PPP6R3: variants seen among roughly 807,000 people sequenced by gnomAD.
The protein encoded by PPP6R3 is protein phosphatase 6 regulatory subunit 3.
A neutral mutation model predicts 110.7 loss-of-function variants in PPP6R3; 38 were observed. That is an observed-to-expected ratio of 0.34 (90% CI 0.26 to 0.45). The LOEUF (loss-of-function observed/expected upper bound fraction) is 0.45. PPP6R3 is among the 20% of genes least tolerant of loss of function. The probability of loss-of-function intolerance (pLI) is 1.00; values close to 1 mark genes in which losing one functional copy is unlikely to be tolerated. For missense variants in PPP6R3, 870 were observed against 1,062.4 expected (o/e 0.82, Z 2.52); for synonymous variants, 369 against 373.5 (o/e 0.99, Z 0.14).
intron 1 of PPP6R3, among the ~76,000 whole-genome samples, chr11:68,480,228 A>C (rs1464320123): frequency 6.6e-6 from 1 of 151,930 alleles, no homozygotes; most frequent in Non-Finnish European, 1.5e-5. Flanking sequence ...TTCTGCTCTG[A>C]TCTTTTGATG....
At chr11:68,547,782 T>C (rs1198976847) in intron 4 of PPP6R3, among the ~76,000 whole-genome samples, 1 of 152,250 alleles carries the variant, frequency 6.6e-6, no homozygotes, top group Non-Finnish European at 1.5e-5. Flanking sequence ...TGATCACCAT[T>C]CTTTGAGAAT....
intron 4 of PPP6R3, among the ~76,000 whole-genome samples, chr11:68,545,427 T>C (rs1452561059): frequency 6.6e-6 from 1 of 152,224 alleles, no homozygotes; most frequent in Non-Finnish European, 1.5e-5. Flanking sequence ...ACCAAAAACC[T>C]TTCCCACAAA....
rs1244615234 is a variant in PPP6R3, at chr11:68,477,708, CAGAG to C, written c.-158+16887_-158+16890del. 8.4e-5 allele frequency among the ~76,000 whole-genome samples: 10 copies of C among 119,702 alleles called. No homozygotes were observed. The East Asian group carries it at 9.1e-4, about 11-fold the overall frequency. The allele number at this position is 119,702 out of a possible 152,430, so 78.5% of individuals were successfully genotyped here. ...CGCCACTGCACTCCAGCCTGAGAGA[CAGAG>C]AGAGACATTGTCTCTTAAAAAAAAA... On this transcript the variant is annotated intron_variant, in intron 1 of 23. Transcript: ENST00000393800.
At chr11:68,567,762 G>A (rs2099483945) in intron 10 of PPP6R3, among the ~76,000 whole-genome samples, 1 of 152,180 alleles carries the variant, frequency 6.6e-6, no homozygotes, top group Admixed American at 6.5e-5. Context: ...AGCACAGAAA[G>A]CGCGAGGGTT....
chr11:68,571,023 C>CT lies in PPP6R3; in HGVS notation c.1279-4dup, dbSNP rs377099693. Reference sequence around the variant, plus strand: ...GCTTTGAAGTATTAACTGGAATATTCTTTTTTTTTTTTTCAGCTTTTCCAA... The same window carrying CT: ...GCTTTGAAGTATTAACTGGAATATTCTTTTTTTTTTTTTTCAGCTTTTCCAA... On this transcript the variant is annotated splice_polypyrimidine_tract_variant and intron_variant, in intron 11 of 23. Coordinates refer to ENST00000393800, the MANE Select transcript of PPP6R3 (RefSeq NM_001164161.2). 0.097 allele frequency: 91,425 copies of CT among 940,868 alleles called. 105 individuals carry two copies. The highest frequency in any genetic ancestry group is 0.11 in the South Asian group (6,205 of 54,592). 58.3% of individuals were successfully genotyped at this position (940,868 alleles called of 1,614,324 possible).
At chr11:68,610,443 C>T (rs1942841868) in intron 23 of PPP6R3, among the ~76,000 whole-genome samples, 1 of 152,144 alleles carries the variant, frequency 6.6e-6, no homozygotes, top group South Asian at 2.1e-4. Flanking sequence ...CACATTCCTG[C>T]CCTGTGTGAC....
intron 14 of PPP6R3, among the ~76,000 whole-genome samples, chr11:68,580,533 A>G (rs947590460): frequency 2.6e-5 from 4 of 151,982 alleles, no homozygotes; most frequent in African/African-American, 9.7e-5. Context: ...TTTTGGCTCC[A>G]TTTTGAAGGT....
intron 12 of PPP6R3, among the ~76,000 whole-genome samples, chr11:68,572,939 A>G (rs903495143): frequency 7.2e-6 from 1 of 139,694 alleles, no homozygotes; most frequent in Non-Finnish European, 1.6e-5. Context: ...GCCTTCAAGC[A>G]TAGGATGTTT....
At chr11:68,500,522 A>G (rs1223357182) in intron 1 of PPP6R3, among the ~76,000 whole-genome samples, 1 of 152,182 alleles carries the variant, frequency 6.6e-6, no homozygotes, top group African/African-American at 2.4e-5. Context: ...CTGTTGCCCA[A>G]GCCGGAGTGC....
chr11:68,554,118 G>A (rs1303818180), intron 6 of PPP6R3, 27 bp from the exon 7 acceptor site: 3 of 1,485,780 alleles, frequency 2.0e-6, no homozygotes, highest in Non-Finnish European at 1.9e-6. Flanking sequence ...CATGTTTTAT[G>A]GTTAAAATTG....
chr11:68,609,337 C>T (rs148689778), intron 22 of PPP6R3: 2 of 622,140 alleles, frequency 3.2e-6, no homozygotes, highest in Admixed American at 2.5e-5. Flanking sequence ...CCGTGAAATC[C>T]GATGCAGTCA....
At chr11:68,514,026 C>T (rs10896334) in intron 1 of PPP6R3, among the ~76,000 whole-genome samples, 37,306 of 152,142 alleles carry the variant, frequency 0.25, 4,833 homozygotes, top group Middle Eastern at 0.33. Flanking sequence ...AAGCTGATTG[C>T]ATACAATTAC....
chr11:68,491,817 G>C (rs914971560), intron 1 of PPP6R3, among the ~76,000 whole-genome samples: 4 of 152,054 alleles, frequency 2.6e-5, no homozygotes, highest in African/African-American at 9.7e-5. Flanking sequence ...TGGAAGAAGA[G>C]TTGCCTTGGG....
chr11:68,578,269 ATAT>A (rs760924049), intron 14 of PPP6R3, among the ~76,000 whole-genome samples: 3 of 152,180 alleles, frequency 2.0e-5, no homozygotes, highest in African/African-American at 4.8e-5. Flanking sequence ...GCAATTGTAA[ATAT>A]TATTATAAAC....
chr11:68,605,016 T>G (rs1363654684), intron 22 of PPP6R3, among the ~76,000 whole-genome samples: 1 of 152,056 alleles, frequency 6.6e-6, no homozygotes, highest in African/African-American at 2.4e-5. Context: ...AAGAAAAAAG[T>G]GAGGGGCTTC....
At chr11:68,548,557 C>G (rs1403084221) in intron 5 of PPP6R3, among the ~76,000 whole-genome samples, 2 of 152,040 alleles carry the variant, frequency 1.3e-5, no homozygotes, top group African/African-American at 2.4e-5. Flanking sequence ...GTTGGGAGCT[C>G]TAAGTCCCAT....
chr11:68,571,159 A>G (rs1381922600), intron 12 of PPP6R3, 55 bp downstream of exon 12: 4 of 1,560,886 alleles, frequency 2.6e-6, no homozygotes, highest in African/African-American at 2.8e-5. Context: ...TATGAGGAAA[A>G]TAATACCTCC....
chr11:68,553,032 C>T (rs2099386954), intron 6 of PPP6R3, among the ~76,000 whole-genome samples: 1 of 152,074 alleles, frequency 6.6e-6, no homozygotes, highest in African/African-American at 2.4e-5. Flanking sequence ...TGATAGTTAC[C>T]AAGGAAATGC....
At chr11:68,557,367 A>G (rs1475344099) in intron 7 of PPP6R3, among the ~76,000 whole-genome samples, 1 of 152,166 alleles carries the variant, frequency 6.6e-6, no homozygotes, top group Non-Finnish European at 1.5e-5. Flanking sequence ...TTCCTGCCCT[A>G]CGTTGGCAAG....
Sources: allele counts gnomAD v4.1 joint callset (sites outside exome capture counted in the v4.1 genomes callset), GRCh38; gene constraint gnomAD v4.1.1; transcripts MANE v1.5; gene names NCBI Gene and HGNC (gene_info 2026-07-23, HGNC 2026-07-21).